Variants in ABHD6 observed in about 807,000 individuals in gnomAD.
The protein encoded by ABHD6 is abhydrolase domain containing 6, acylglycerol lipase, also known as monoacylglycerol lipase ABHD6.
Under a neutral mutation model 38.8 loss-of-function variants are expected in ABHD6, and 33 were observed. That is an observed-to-expected ratio of 0.85 (90% confidence interval 0.64 to 1.14). The LOEUF (loss-of-function observed/expected upper bound fraction) is 1.14. ABHD6 is among the 50% of genes most tolerant of loss of function. ABHD6 has a pLI of 0.00. For synonymous variants in ABHD6, 147 were observed against 161.6 expected (o/e 0.91, Z 0.69); for missense variants, 380 against 422.6 (o/e 0.90, Z 0.88).
intron 3 of ABHD6, among the ~76,000 whole-genome samples, chr3:58,260,622 C>T (rs2097436308): frequency 6.6e-6 from 1 of 152,178 alleles, no homozygotes; most frequent in African/African-American, 2.4e-5. Flanking sequence ...CACAGCGACT[C>T]CTCCAAAGGC....
chr3:58,284,446 C>T (rs1318198394), intron 7 of ABHD6, among the ~76,000 whole-genome samples: 1 of 151,598 alleles, frequency 6.6e-6, no homozygotes, highest in African/African-American at 2.4e-5. Flanking sequence ...TATGGTCATC[C>T]TCATTATGTC....
Position 58,256,096 on chromosome 3 carries a change from C to CAGACACACAG in ABHD6, c.-25-465_-25-464insGACACACAGA, listed in dbSNP as rs1553718605. ...CCACCAACACACACACACACACACACACACACACACACATACACACACTAC... is the reference window on the plus strand; with the variant it reads ...CCACCAACACACACACACACACACACAGACACACAGACACACACACACATACACACACTAC... On this transcript the variant is annotated intron_variant, in intron 2 of 9. Coordinates refer to ENST00000478253, the MANE Select transcript of ABHD6 (RefSeq NM_001320126.2). The surrounding 1 kb of genome is among the most constrained non-coding windows in gnomAD (Gnocchi z 4.3). 1.4e-5 allele frequency among the ~76,000 whole-genome samples: 2 copies of CAGACACACAG among 147,438 alleles called. No individual in the cohort carries two copies. The highest frequency in any genetic ancestry group is 4.9e-5 in the African/African-American group (2 of 40,488).
chr3:58,240,263 T>C (rs1314010586), intron 1 of ABHD6, among the ~76,000 whole-genome samples: 1 of 152,042 alleles, frequency 6.6e-6, no homozygotes, highest in Non-Finnish European at 1.5e-5. Context: ...TTTTTAGAGA[T>C]GAAGTCTCAC....
chr3:58,267,783 A>G lies in ABHD6; in HGVS notation c.276+438A>G, dbSNP rs1185927349. Among the ~76,000 whole-genome samples the G allele has an allele frequency of 1.3e-5, 2 of 152,136 alleles. No homozygotes were observed. Among genetic ancestry groups the G allele is most frequent in the Non-Finnish European group, 2.9e-5 (2 of 68,012 alleles). On this transcript the variant is annotated intron_variant, in intron 4 of 9. Coordinates refer to ENST00000478253, the MANE Select transcript of ABHD6 (RefSeq NM_001320126.2). This position sits in a 1 kb window ranked among gnomAD's most constrained non-coding sequence, Gnocchi z 4.3. ...ACTGTGGTGGTTCAAGTCATATTAGAACTAATGCAGTGTGGCCTGGCACAG... is the reference window on the plus strand; with the variant it reads ...ACTGTGGTGGTTCAAGTCATATTAGGACTAATGCAGTGTGGCCTGGCACAG...
intron 7 of ABHD6, among the ~76,000 whole-genome samples, chr3:58,280,441 G>A (rs2097452256): frequency 6.6e-6 from 1 of 151,972 alleles, no homozygotes; most frequent in African/African-American, 2.4e-5. Context: ...CAGCTCCATC[G>A]GGTCATTTAA....
At chr3:58,280,006 C>G (rs1330869863) in intron 7 of ABHD6, among the ~76,000 whole-genome samples, 1 of 152,210 alleles carries the variant, frequency 6.6e-6, no homozygotes, top group South Asian at 2.1e-4. Context: ...ACCTTTCTCT[C>G]TGGCTGCCCT....
At position 58,266,294 on chromosome 3, in the gene ABHD6, C is replaced by G. The variant is rs1369242371; in HGVS notation, c.120-895C>G. ...CGAAACCCTGTCTCTACTAAAAATACAAAAATTAGGCAGGCATGGTGGTGT... is the reference window on the plus strand; with the variant it reads ...CGAAACCCTGTCTCTACTAAAAATAGAAAAATTAGGCAGGCATGGTGGTGT... On this transcript the variant is annotated intron_variant, in intron 3 of 9. Coordinates refer to ENST00000478253, the MANE Select transcript of ABHD6 (RefSeq NM_001320126.2). This position sits in a 1 kb window ranked among gnomAD's most constrained non-coding sequence, Gnocchi z 4.0. Among the ~76,000 whole-genome samples, 3 of 152,030 alleles carry G rather than the reference C, an allele frequency of 2.0e-5. No individual in the cohort carries two copies. In the East Asian group the frequency reaches 5.8e-4, roughly 29 times the overall value.
chr3:58,286,054 C>T (rs1268889464), intron 9 of ABHD6, among the ~76,000 whole-genome samples: 1 of 150,186 alleles, frequency 6.7e-6, no homozygotes, highest in Non-Finnish European at 1.5e-5. Flanking sequence ...AAGTCTTGCT[C>T]TGTTACCCAG....
intron 1 of ABHD6, among the ~76,000 whole-genome samples, chr3:58,248,826 G>T (rs946797281): frequency 2.6e-5 from 4 of 152,186 alleles, no homozygotes; most frequent in Non-Finnish European, 4.4e-5. Context: ...TTATATGAGA[G>T]CATCTATTTT....
chr3:58,244,625 G>A (rs35007301), intron 1 of ABHD6, among the ~76,000 whole-genome samples: 19,305 of 151,950 alleles, frequency 0.13, 1,670 homozygotes, highest in African/African-American at 0.24. Flanking sequence ...TTAGCTGGGC[G>A]TGGTGGTGCA....
intron 7 of ABHD6, among the ~76,000 whole-genome samples, chr3:58,278,293 T>G (rs2097450369): frequency 6.6e-6 from 1 of 152,244 alleles, no homozygotes; most frequent in East Asian, 1.9e-4. Context: ...GTTATTAGTC[T>G]ATTCAGAGAT....
At chr3:58,280,697 T>G (rs1481008823) in intron 7 of ABHD6, among the ~76,000 whole-genome samples, 1 of 152,262 alleles carries the variant, frequency 6.6e-6, no homozygotes, top group Non-Finnish European at 1.5e-5. Context: ...TTTTCAGCTT[T>G]TCTGCTCTGG....
intron 7 of ABHD6, among the ~76,000 whole-genome samples, chr3:58,275,326 T>C (rs1253523012): frequency 7.2e-6 from 1 of 138,984 alleles, no homozygotes; most frequent in East Asian, 2.0e-4. Context: ...GGACCCCTTA[T>C]ACTCTTTTTT....
chr3:58,292,334 C>T (rs1019375359), intron 9 of ABHD6, among the ~76,000 whole-genome samples: 1 of 152,092 alleles, frequency 6.6e-6, no homozygotes, highest in South Asian at 2.1e-4. Context: ...TTGCTTTTGC[C>T]GTTAAGGATG....
intron 4 of ABHD6, among the ~76,000 whole-genome samples, chr3:58,268,028 G>A (rs544414766): frequency 1.3e-5 from 2 of 152,206 alleles, no homozygotes; most frequent in Admixed American, 6.5e-5. Flanking sequence ...AACCAAGATC[G>A]TGCTATACCA....
chr3:58,260,769 C>T (rs7624317), intron 3 of ABHD6, among the ~76,000 whole-genome samples: 27,331 of 152,164 alleles, frequency 0.18, 4,221 homozygotes, highest in East Asian at 0.79. Flanking sequence ...AGTCCCCGTT[C>T]CCCGCTGCCC....
rs150642530 is a variant in ABHD6 at position 58,251,249 on chromosome 3, G to A, written c.-26+1307G>A. On this transcript the variant is annotated intron_variant, in intron 2 of 9. Coordinates refer to ENST00000478253, the MANE Select transcript of ABHD6 (RefSeq NM_001320126.2). This position sits in a 1 kb window ranked among gnomAD's most constrained non-coding sequence, Gnocchi z 5.4. ...GGAGAAGCACTTGAACCCAGGAGGC[G>A]GAGGTTGCAGTGAGCCAAGATTGTA... is the stretch of plus-strand genomic sequence containing the variant. Among the ~76,000 whole-genome samples the A allele has an allele frequency of 2.2e-4, 34 of 151,960 alleles. No homozygotes were observed. In the East Asian group the frequency reaches 5.2e-3, roughly 23 times the overall value.
chr3:58,274,695 G>T lies in ABHD6; in HGVS notation c.561G>T (p.Arg187=), dbSNP rs2097447490. The T allele has an allele frequency of 6.2e-7, 1 of 1,614,080 alleles. No individual in the cohort carries two copies. Among genetic ancestry groups the T allele is most frequent in the South Asian group, 1.1e-5 (1 of 91,084 alleles). The part of the protein sequence containing the change: ...QYSTDNQFVQ[R]LKELQGSAAV... ...CAACTGACAATCAATTTGTACAACG[G>T]CTCAAAGAACTGCAGGGCTCTGCCG... The change falls in exon 7 of 10, where the codon CGG becomes CGT. Residue 187 remains arginine (R), a synonymous_variant. Transcript: ENST00000478253.
At position 58,256,501 on chromosome 3, in the gene ABHD6, T is replaced by A. The variant is rs1369568958; in HGVS notation, c.-25-61T>A. ...CTTCACTTTTCTTGTCCCCTTTACT[T>A]CTTCGCCTTTTTTCCTTTGATACAG... On this transcript the variant is annotated intron_variant, in intron 2 of 9. Transcript: ENST00000478253. This position sits in a 1 kb window ranked among gnomAD's most constrained non-coding sequence, Gnocchi z 4.3. The A allele has an allele frequency of 9.9e-7, 1 of 1,005,474 alleles. No homozygotes were observed. The highest frequency in any genetic ancestry group is 1.6e-5 in the African/African-American group (1 of 61,186). The allele number at this position is 1,005,474 out of a possible 1,614,324, so 62.3% of individuals were successfully genotyped here. A position where few individuals can be genotyped will look rare whatever the true frequency, so the allele number is the denominator to read the frequency against.
Sources: gnomAD v4.1 joint callset for allele counts (sites outside exome capture counted in the v4.1 genomes callset) on GRCh38, gnomAD v4.1.1 for gene constraint, Gnocchi (gnomAD v3.1) non-coding constraint, MANE v1.5 for transcripts, NCBI Gene and HGNC (gene_info 2026-07-23, HGNC 2026-07-21) for gene names.